AXDND1: variants seen among roughly 807,000 people sequenced by gnomAD.
AXDND1 encodes axonemal dynein light chain domain containing 1.
Under a neutral mutation model 137.5 loss-of-function variants are expected in AXDND1, and 110 were observed. That is an observed-to-expected ratio of 0.80 (90% CI 0.69 to 0.94). The LOEUF (loss-of-function observed/expected upper bound fraction) is 0.94, where lower values mean the gene tolerates loss of function less well. Among genes scored for constraint, AXDND1 ranks in the 40% least tolerant of loss-of-function variants. AXDND1 has a pLI of 0.00. For synonymous variants in AXDND1, 414 were observed against 399.7 expected, an observed-to-expected ratio of 1.04 and a Z score of -0.43; for missense variants, 1,191 against 1,169.8, an observed-to-expected ratio of 1.02 and a Z score of -0.26.
chr1:179,489,270 T>G, intron 18 of AXDND1, among the ~76,000 whole-genome samples: 1 of 152,212 alleles, frequency 6.6e-6, no homozygotes, highest in Non-Finnish European at 1.5e-5. Context: ...AAGATATTCT[T>G]TGTTTTTAAT....
rs118153826 is a variant in AXDND1 at position 179,475,046 on chromosome 1, G to A, written c.1997+6405G>A. 8.7e-3 allele frequency among the ~76,000 whole-genome samples: 1,318 copies of A among 151,798 alleles called. 40 individuals carry two copies. Among genetic ancestry groups the A allele is most frequent in the Admixed American group, 0.056 (853 of 15,274 alleles). ...GCCATTGCTTCAAAAGGTGGTCTTG[G>A]GCCTGTGGGTGCACAGAAGTCAAGA... On this transcript the variant is annotated intron_variant, in intron 17 of 25. Coordinates refer to ENST00000367618, the MANE Select transcript of AXDND1 (RefSeq NM_144696.6).
chr1:179,521,807 ATTC>A (rs1220194688), intron 21 of AXDND1, among the ~76,000 whole-genome samples: 10 of 120,042 alleles, frequency 8.3e-5, no homozygotes, highest in African/African-American at 3.3e-4. Flanking sequence ...CTGGGATGGT[ATTC>A]TTTTCTCTCA....
chr1:179,459,753 TTCTTTTCTTTTC>T (rs151014911), intron 16 of AXDND1, among the ~76,000 whole-genome samples: 1,823 of 150,642 alleles, frequency 0.012, 14 homozygotes, highest in Non-Finnish European at 0.02. Flanking sequence ...CTTCCTTCCT[TTCTTTTCTTTTC>T]TCTTTTCTTT....
chr1:179,432,596 T>C (rs1053225497), intron 15 of AXDND1, among the ~76,000 whole-genome samples: 2 of 152,204 alleles, frequency 1.3e-5, no homozygotes, highest in Non-Finnish European at 2.9e-5. Context: ...TGGCTAATTT[T>C]TGTATTTGTA....
At chr1:179,515,950 A>G (rs550657003) in intron 21 of AXDND1, among the ~76,000 whole-genome samples, 4 of 152,314 alleles carry the variant, frequency 2.6e-5, no homozygotes, top group African/African-American at 9.6e-5. Flanking sequence ...CCATTGTGTT[A>G]CAGTTGCCTA....
intron 11 of AXDND1, among the ~76,000 whole-genome samples, chr1:179,401,720 G>A (rs936245458): frequency 6.6e-6 from 1 of 152,030 alleles, no homozygotes; most frequent in African/African-American, 2.4e-5. Context: ...AGTCTCACGA[G>A]ACCTGATTGT....
intron 12 of AXDND1, among the ~76,000 whole-genome samples, chr1:179,416,440 T>G (rs1237948637): frequency 6.6e-6 from 1 of 152,210 alleles, no homozygotes; most frequent in Non-Finnish European, 1.5e-5. Flanking sequence ...AGCAGTGGAA[T>G]TAATTGCTGG....
intron 4 of AXDND1, among the ~76,000 whole-genome samples, chr1:179,374,897 C>T (rs1668430998): frequency 6.6e-6 from 1 of 151,570 alleles, no homozygotes; most frequent in Non-Finnish European, 1.5e-5. Flanking sequence ...ATGGGGGGTG[C>T]AGCACACCAA....
At chr1:179,432,132 G>C in intron 14 of AXDND1, 135 bp from the exon 15 acceptor site, 1 of 1,133,848 alleles carries the variant, frequency 8.8e-7, no homozygotes, top group Non-Finnish European at 1.2e-6. Context: ...GTGGGGAGAG[G>C]GGCTGGACCT....
At chr1:179,423,958 GT>G (rs1038851577) in intron 12 of AXDND1, among the ~76,000 whole-genome samples, 1 of 150,910 alleles carries the variant, frequency 6.6e-6, no homozygotes, top group Non-Finnish European at 1.5e-5. Flanking sequence ...TAGCTTCAAA[GT>G]TTTTTTTTAC....
chr1:179,381,943 A>ATTTTTTTTTTTT (rs71111920), intron 6 of AXDND1, among the ~76,000 whole-genome samples: 31 of 105,440 alleles, frequency 2.9e-4, no homozygotes, highest in African/African-American at 3.7e-4. Flanking sequence ...ACCACACCTA[A>ATTTTTTTTTTTT]TTTTTTTTTT....
rs75480489 is a variant in AXDND1, at chr1:179,490,982, A to C, written c.2092-556A>C. Among the ~76,000 whole-genome samples the C allele has an allele frequency of 8.7e-3, 1,318 of 152,258 alleles. 41 individuals are homozygous for C. Among genetic ancestry groups the C allele is most frequent in the Admixed American group, 0.056 (853 of 15,286 alleles). ...GAGCCCTGGAATGCCTTGATGTGCA[A>C]TTTGAGAATTGTAGGTTCTCACAGG... On this transcript the variant is annotated intron_variant, in intron 18 of 25. Coordinates refer to ENST00000367618, the MANE Select transcript of AXDND1 (RefSeq NM_144696.6).
At chr1:179,401,379 A>C (rs1199522699) in intron 11 of AXDND1, among the ~76,000 whole-genome samples, 2 of 152,160 alleles carry the variant, frequency 1.3e-5, no homozygotes, top group Non-Finnish European at 2.9e-5. Context: ...GGGTTAGCCA[A>C]ACCAGTATCC....
chr1:179,368,917 A>G lies in AXDND1; in HGVS notation c.215A>G (p.Asn72Ser), dbSNP rs149978532. The G allele has an allele frequency of 9.8e-5, 158 of 1,613,934 alleles. No individual in the cohort carries two copies. The highest frequency in any genetic ancestry group is 1.2e-4 in the Non-Finnish European group (145 of 1,179,932). The change falls in exon 3 of 26, where the codon AAT becomes AGT. Residue 72 changes from asparagine to serine, a missense_variant. Asn to Ser is a conservative substitution (Grantham distance 46). Transcript: ENST00000367618. ...EVLLSLTYAA[N>S]AGPCPENLLP... ...CTTCTTTCTCTGACCTATGCGGCCA[A>G]TGCTGGTCCTTGTCCTGAAAACTTA...
Position 179,486,139 on chromosome 1 carries a change from A to AAAACAAACAAAAAACT in AXDND1, c.2091+2920_2091+2921insACAAACAAAAAACTAA, listed in dbSNP as rs149119239. Among the ~76,000 whole-genome samples, 6 of 87,806 alleles carry AAAACAAACAAAAAACT rather than the reference A, an allele frequency of 6.8e-5. No individual in the cohort carries two copies. In the South Asian group the frequency reaches 3.1e-3, roughly 46 times the overall value. The allele number at this position is 87,806 out of a possible 152,430, so 57.6% of individuals were successfully genotyped here. On this transcript the variant is annotated intron_variant, in intron 18 of 25. Coordinates refer to ENST00000367618, the MANE Select transcript of AXDND1 (RefSeq NM_144696.6). ...TGTCTCAAAAAAAAAAAAAAAAAAAAAACCTGATAGAAATGAAAAACACAC... is the reference window on the plus strand; with the variant it reads ...TGTCTCAAAAAAAAAAAAAAAAAAAAAAACAAACAAAAAACTAACCTGATAGAAATGAAAAACACAC...
At chr1:179,409,912 C>T (rs1034127799) in intron 11 of AXDND1, among the ~76,000 whole-genome samples, 5 of 151,896 alleles carry the variant, frequency 3.3e-5, no homozygotes, top group African/African-American at 9.7e-5. Flanking sequence ...ATATTTTTAT[C>T]TGTCTACTCT....
intron 11 of AXDND1, among the ~76,000 whole-genome samples, chr1:179,406,081 T>G (rs952896474): frequency 6.6e-6 from 1 of 152,174 alleles, no homozygotes; most frequent in Non-Finnish European, 1.5e-5. Flanking sequence ...TTCAAGACAT[T>G]TAAAAATTTT....
chr1:179,509,139 A>G (rs140410627), intron 20 of AXDND1, among the ~76,000 whole-genome samples, 157 bp from the exon 21 acceptor site: 135 of 152,300 alleles, frequency 8.9e-4, no homozygotes, highest in African/African-American at 3.0e-3. Flanking sequence ...GGTGTATGTT[A>G]ATAGCCAGTC....
chr1:179,539,800 A>G (rs1671938532), intron 25 of AXDND1, among the ~76,000 whole-genome samples: 1 of 151,964 alleles, frequency 6.6e-6, no homozygotes, highest in Admixed American at 6.6e-5. Context: ...ACTTGATTCC[A>G]TTCTCCCCGT....
Sources: allele counts gnomAD v4.1 joint callset (sites outside exome capture counted in the v4.1 genomes callset), GRCh38; gene constraint gnomAD v4.1.1; transcripts MANE v1.5; gene names NCBI Gene and HGNC (gene_info 2026-07-23, HGNC 2026-07-21).